The following ADARB2 variants were observed in gnomAD, a reference collection of about 807,000 sequenced individuals.
ADARB2 encodes the protein adenosine deaminase RNA specific B2 (inactive).
Under a neutral mutation model 62.2 loss-of-function variants are expected in ADARB2, and 25 were observed. That is an observed-to-expected ratio of 0.40 (90% CI 0.29 to 0.56). ADARB2 has a LOEUF of 0.56. Ranked by LOEUF, ADARB2 falls within the 20% of genes least tolerant of loss-of-function variation. The probability of loss-of-function intolerance (pLI) is 0.43; values close to 1 mark genes in which losing one functional copy is unlikely to be tolerated. For synonymous variants in ADARB2, 572 were observed against 500.8 expected (o/e 1.14, Z -1.90); for missense variants, 1,071 against 1,077.4 (o/e 0.99, Z 0.08).
At chr10:1,499,873 G>A (rs1247550147) in intron 1 of ADARB2, among the ~76,000 whole-genome samples, 1 of 151,666 alleles carries the variant, frequency 6.6e-6, no homozygotes, top group East Asian at 1.9e-4. Flanking sequence ...TCATCATTTA[G>A]TCATTACTCA....
chr10:1,389,064 T>C lies in ADARB2; in HGVS notation c.101-9904A>G, dbSNP rs553250102. Among the ~76,000 whole-genome samples, 5 of 152,316 alleles carry C rather than the reference T, an allele frequency of 3.3e-5. No individual in the cohort carries two copies. The East Asian group carries it at 9.6e-4, about 29-fold the overall frequency. ...TGATGAAGAAAGTCTTTTTAATAAA[T>C]AGTTCTAAGAAACTAGACAACATAT... is the stretch of plus-strand genomic sequence containing the variant. On this transcript the variant is annotated intron_variant, in intron 1 of 9. Coordinates refer to ENST00000381312, the MANE Select transcript of ADARB2 (RefSeq NM_018702.4).
At chr10:1,585,191 G>C (rs554176013) in intron 1 of ADARB2, among the ~76,000 whole-genome samples, 15 of 152,176 alleles carry the variant, frequency 9.9e-5, no homozygotes, top group South Asian at 4.2e-4. Context: ...TGCGGACAGT[G>C]GGGGAGGCTG....
At chr10:1,354,838 C>A (rs1196117309) in intron 3 of ADARB2, among the ~76,000 whole-genome samples, 1 of 152,226 alleles carries the variant, frequency 6.6e-6, no homozygotes, top group African/African-American at 2.4e-5. Context: ...CTCAGCCATC[C>A]TAATGGAGCC....
chr10:1,605,906 G>C (rs1433839187), intron 1 of ADARB2, among the ~76,000 whole-genome samples: 1 of 152,110 alleles, frequency 6.6e-6, no homozygotes, highest in Non-Finnish European at 1.5e-5. Context: ...ATAAAATATT[G>C]ATTTTCATGA....
intron 1 of ADARB2, among the ~76,000 whole-genome samples, chr10:1,432,055 C>A (rs1830781548): frequency 6.6e-6 from 1 of 152,190 alleles, no homozygotes; most frequent in Non-Finnish European, 1.5e-5. Flanking sequence ...TCATGCCATG[C>A]ATCACAGTTC....
chr10:1,199,033 G>A (rs923183905), intron 8 of ADARB2, among the ~76,000 whole-genome samples: 2 of 152,224 alleles, frequency 1.3e-5, no homozygotes, highest in Non-Finnish European at 2.9e-5. Flanking sequence ...GAGCCACTTG[G>A]CAAACAGGTG....
chr10:1,627,107 G>C (rs12769690), intron 1 of ADARB2, among the ~76,000 whole-genome samples: 1 of 152,034 alleles, frequency 6.6e-6, no homozygotes, highest in African/African-American at 2.4e-5. Flanking sequence ...TCACCCACTC[G>C]AACTGGAGCC....
chr10:1,180,633 A>T lies in ADARB2; in HGVS notation c.*2560T>A, dbSNP rs1012599206. 1 of 150,894 alleles carries T rather than the reference A, an allele frequency of 6.6e-6. No homozygotes were observed. Among genetic ancestry groups the T allele is most frequent in the Non-Finnish European group, 1.5e-5 (1 of 67,892 alleles). The allele number at this position is 150,894 out of a possible 1,614,324, so 9.3% of individuals were successfully genotyped here. A position where few individuals can be genotyped will look rare whatever the true frequency, so the allele number is the denominator to read the frequency against. On this transcript the variant is annotated 3_prime_UTR_variant, in exon 10 of 10. Coordinates refer to ENST00000381312, the MANE Select transcript of ADARB2 (RefSeq NM_018702.4). ...CGACTACCTTCTCCTTTCACTACCC[A>T]GGGCCTGGGACCCTCCTTTCCTTAC...
chr10:1,499,286 A>C (rs922840494), intron 1 of ADARB2, among the ~76,000 whole-genome samples: 5 of 151,618 alleles, frequency 3.3e-5, no homozygotes, highest in African/African-American at 4.8e-5. Context: ...CTCACTTATC[A>C]CTCAACATTC....
Position 1,297,008 on chromosome 10 carries a change from C to T in ADARB2, c.1078-25939G>A, listed in dbSNP as rs1160750552. ...GTGTAATCTTTCGTGTTTTCCTTTTCTTTTCCTCCTATACAAAATACCTAT... is the reference window on the plus strand; with the variant it reads ...GTGTAATCTTTCGTGTTTTCCTTTTTTTTTCCTCCTATACAAAATACCTAT... On this transcript the variant is annotated intron_variant, in intron 3 of 9. Coordinates refer to ENST00000381312, the MANE Select transcript of ADARB2 (RefSeq NM_018702.4). Among the ~76,000 whole-genome samples, 4 of 152,300 alleles carry T rather than the reference C, an allele frequency of 2.6e-5. No individual in the cohort carries two copies. In the East Asian group the frequency reaches 7.7e-4, roughly 29 times the overall value.
At chr10:1,419,209 T>C (rs905097795) in intron 1 of ADARB2, among the ~76,000 whole-genome samples, 3 of 152,204 alleles carry the variant, frequency 2.0e-5, no homozygotes, top group Non-Finnish European at 4.4e-5. Flanking sequence ...TTCTCCTGCC[T>C]CAGCCTCCCA....
At chr10:1,424,812 C>T (rs767957151) in intron 1 of ADARB2, among the ~76,000 whole-genome samples, 6 of 152,146 alleles carry the variant, frequency 3.9e-5, no homozygotes, top group Non-Finnish European at 8.8e-5. Context: ...GATCTGTCAT[C>T]CTGTCGCATT....
At chr10:1,424,871 T>G (rs1832882036) in intron 1 of ADARB2, among the ~76,000 whole-genome samples, 1 of 152,172 alleles carries the variant, frequency 6.6e-6, no homozygotes, top group Non-Finnish European at 1.5e-5. Flanking sequence ...AAATTGGAAC[T>G]GTGGCCACTG....
intron 5 of ADARB2, among the ~76,000 whole-genome samples, chr10:1,241,161 A>G (rs1013239802): frequency 6.6e-6 from 1 of 152,178 alleles, no homozygotes; most frequent in Non-Finnish European, 1.5e-5. Flanking sequence ...CAGGAGGTTG[A>G]GGTGGGAGAA....
chr10:1,712,447 G>T (rs573909775), intron 1 of ADARB2, among the ~76,000 whole-genome samples: 29 of 151,264 alleles, frequency 1.9e-4, no homozygotes, highest in African/African-American at 6.3e-4. Flanking sequence ...TTTTCTTTGC[G>T]TGCCTTCTGC....
intron 1 of ADARB2, among the ~76,000 whole-genome samples, chr10:1,422,720 G>A (rs1832861709): frequency 6.6e-6 from 1 of 152,186 alleles, no homozygotes; most frequent in African/African-American, 2.4e-5. Flanking sequence ...CTGTAACAAT[G>A]ACCACCCATC....
chr10:1,527,901 A>C (rs1464125444), intron 1 of ADARB2, among the ~76,000 whole-genome samples: 1 of 152,236 alleles, frequency 6.6e-6, no homozygotes, highest in East Asian at 1.9e-4. Flanking sequence ...TAAATTTATC[A>C]TTCTGGATGC....
At chr10:1,190,986 A>G (rs1836834855) in intron 8 of ADARB2, among the ~76,000 whole-genome samples, 1 of 152,114 alleles carries the variant, frequency 6.6e-6, no homozygotes, top group African/African-American at 2.4e-5. Context: ...TGGGCCCCAC[A>G]CTTCGCAGAA....
intron 1 of ADARB2, among the ~76,000 whole-genome samples, chr10:1,560,493 C>T (rs1468867780): frequency 2.8e-4 from 9 of 31,874 alleles, no homozygotes; most frequent in African/African-American, 5.4e-4. Flanking sequence ...GTCACACACG[C>T]GTGAACACAC....
Sources: allele counts gnomAD v4.1 joint callset (sites outside exome capture counted in the v4.1 genomes callset), GRCh38; gene constraint gnomAD v4.1.1; transcripts MANE v1.5; gene names NCBI Gene and HGNC (gene_info 2026-07-23, HGNC 2026-07-21).